Variants in JARID2 observed in about 807,000 individuals in gnomAD.
JARID2 encodes the protein protein Jumonji.
A neutral mutation model predicts 125.6 loss-of-function variants in JARID2; 21 were observed. The observed-to-expected ratio is 0.17, with a 90% CI of 0.12 to 0.24. The LOEUF is 0.24. Ranked by LOEUF, JARID2 falls within the 10% of genes least tolerant of loss-of-function variation. JARID2 has a pLI of 1.00. For missense variants in JARID2, 1,303 were observed against 1,639.6 expected (o/e 0.79, Z 3.55); for synonymous variants, 736 against 661.6 (o/e 1.11, Z -1.73).
chr6:15,361,174 G>T (rs1205756510), intron 1 of JARID2, among the ~76,000 whole-genome samples: 3 of 152,142 alleles, frequency 2.0e-5, no homozygotes, highest in Non-Finnish European at 4.4e-5. Context: ...CATCTAGTCT[G>T]TCAGCCTTCT....
rs974553333 is a variant in JARID2 at position 15,295,126 on chromosome 6, T to TC, written c.45+48542_45+48543insC. 1.6e-4 allele frequency among the ~76,000 whole-genome samples: 23 copies of TC among 146,592 alleles called. No individual in the cohort carries two copies. In the East Asian group the frequency reaches 3.5e-3, roughly 23 times the overall value. On this transcript the variant is annotated intron_variant, in intron 1 of 17. Transcript: ENST00000341776. ...GTCATTTCTTTTTTTTTTCTTTCTT[T>TC]TTTTTTTTTTTTTGAGACGGAGTCT...
intron 5 of JARID2, 27 bp downstream of exon 5, chr6:15,468,745 G>T: frequency 6.3e-7 from 1 of 1,591,160 alleles, no homozygotes; most frequent in Admixed American, 1.8e-5. Context: ...ACTTGGATAA[G>T]AAAAAATCTA....
intron 1 of JARID2, among the ~76,000 whole-genome samples, chr6:15,315,674 GGTT>G (rs1762155938): frequency 6.6e-6 from 1 of 152,148 alleles, no homozygotes; most frequent in Non-Finnish European, 1.5e-5. Context: ...TAGAAGTTGT[GGTT>G]GTCCGGAAGT....
At chr6:15,343,419 A>G (rs1763138906) in intron 1 of JARID2, among the ~76,000 whole-genome samples, 1 of 152,126 alleles carries the variant, frequency 6.6e-6, no homozygotes, top group African/African-American at 2.4e-5. Context: ...TTTAGTGTGT[A>G]TTATTATTGC....
At chr6:15,328,835 C>T (rs1762615200) in intron 1 of JARID2, among the ~76,000 whole-genome samples, 1 of 152,194 alleles carries the variant, frequency 6.6e-6, no homozygotes, top group South Asian at 2.1e-4. Flanking sequence ...GGAAGGGTAC[C>T]TGTCAAGTAT....
intron 1 of JARID2, among the ~76,000 whole-genome samples, chr6:15,345,165 A>G (rs999317933): frequency 2.6e-5 from 4 of 152,196 alleles, no homozygotes; most frequent in Non-Finnish European, 4.4e-5. Flanking sequence ...GACTGATTGT[A>G]TGCTGCTTAT....
intron 1 of JARID2, among the ~76,000 whole-genome samples, chr6:15,277,667 A>G (rs1185215316): frequency 6.6e-6 from 1 of 152,162 alleles, no homozygotes; most frequent in African/African-American, 2.4e-5. Flanking sequence ...TTGTTAATTC[A>G]GTAGCTGTTA....
intron 2 of JARID2, among the ~76,000 whole-genome samples, chr6:15,378,200 T>TA (rs1209498673): frequency 3.5e-5 from 1 of 28,624 alleles, no homozygotes; most frequent in Non-Finnish European, 7.0e-5. Flanking sequence ...AATTTTTAAT[T>TA]TTTTTTTTTT....
chr6:15,441,239 T>C (rs1014205682), intron 3 of JARID2, among the ~76,000 whole-genome samples: 1 of 152,218 alleles, frequency 6.6e-6, no homozygotes, highest in Non-Finnish European at 1.5e-5. Context: ...ACAAGAACTT[T>C]GGGGTGTAAT....
chr6:15,448,947 C>G (rs1004368126), intron 3 of JARID2, among the ~76,000 whole-genome samples: 1 of 151,808 alleles, frequency 6.6e-6, no homozygotes, highest in Non-Finnish European at 1.5e-5. Context: ...TTTTTGCCCC[C>G]TTGTTCTATT....
At chr6:15,442,786 A>T (rs758589806) in intron 3 of JARID2, among the ~76,000 whole-genome samples, 1 of 152,222 alleles carries the variant, frequency 6.6e-6, no homozygotes, top group Non-Finnish European at 1.5e-5. Flanking sequence ...TCAATGTCAG[A>T]TGTTTCCTTG....
At chr6:15,370,193 G>C (rs1049709030) in intron 1 of JARID2, among the ~76,000 whole-genome samples, 10 of 152,178 alleles carry the variant, frequency 6.6e-5, no homozygotes, top group African/African-American at 2.4e-4. Context: ...TGGTGAACAA[G>C]AGTAGTGATT....
At chr6:15,376,622 G>A (rs765929636) in intron 2 of JARID2, among the ~76,000 whole-genome samples, 2 of 152,168 alleles carry the variant, frequency 1.3e-5, no homozygotes, top group Non-Finnish European at 2.9e-5. Flanking sequence ...TAGTCAAGAG[G>A]CTGAGACAGG....
intron 5 of JARID2, among the ~76,000 whole-genome samples, chr6:15,486,134 G>C (rs919821383): frequency 3.9e-5 from 6 of 152,174 alleles, no homozygotes; most frequent in African/African-American, 1.4e-4. Context: ...TCCCCTTGCT[G>C]ATCTGCCTAA....
intron 1 of JARID2, among the ~76,000 whole-genome samples, chr6:15,357,973 G>A (rs1763664091): frequency 1.3e-5 from 2 of 152,126 alleles, no homozygotes; most frequent in Admixed American, 6.5e-5. Flanking sequence ...TTGTGCTGGT[G>A]GTTTTTATTG....
intron 3 of JARID2, among the ~76,000 whole-genome samples, chr6:15,416,894 C>G (rs1295221870): frequency 6.6e-6 from 1 of 152,118 alleles, no homozygotes; most frequent in Non-Finnish European, 1.5e-5. Flanking sequence ...ATCAGTCTCT[C>G]AGTATGTGTA....
intron 1 of JARID2, among the ~76,000 whole-genome samples, chr6:15,294,818 A>G (rs539085125): frequency 1.3e-5 from 2 of 152,324 alleles, no homozygotes; most frequent in African/African-American, 2.4e-5. Context: ...AGTTTTGCAT[A>G]TAGTGAGTGA....
intron 3 of JARID2, among the ~76,000 whole-genome samples, chr6:15,434,633 A>G (rs1471132038): frequency 1.3e-5 from 2 of 152,180 alleles, no homozygotes; most frequent in East Asian, 3.9e-4. Flanking sequence ...TGTTAATTCA[A>G]GTATTTTGAT....
intron 1 of JARID2, among the ~76,000 whole-genome samples, chr6:15,344,519 T>C (rs1763183003): frequency 1.3e-5 from 2 of 151,182 alleles, no homozygotes; most frequent in Non-Finnish European, 2.9e-5. Context: ...AGTTCACCCA[T>C]TTAAAGTGTA....
Sources: gnomAD v4.1 joint callset for allele counts (sites outside exome capture counted in the v4.1 genomes callset) on GRCh38, gnomAD v4.1.1 for gene constraint, MANE v1.5 for transcripts, NCBI Gene and HGNC (gene_info 2026-07-23, HGNC 2026-07-21) for gene names.